Variants in IFNAR1 observed in about 807,000 individuals in gnomAD.
The protein encoded by IFNAR1 is interferon alpha and beta receptor subunit 1, also known as interferon alpha/beta receptor 1.
A neutral mutation model predicts 62.1 loss-of-function variants in IFNAR1; 47 were observed. That is an observed-to-expected ratio of 0.76 (90% CI 0.60 to 0.97). The LOEUF (loss-of-function observed/expected upper bound fraction) is 0.97, where lower values mean the gene tolerates loss of function less well. IFNAR1 is among the 50% of genes least tolerant of loss of function. The probability of loss-of-function intolerance (pLI) is 0.00; values close to 1 mark genes in which losing one functional copy is unlikely to be tolerated. For missense variants in IFNAR1, 638 were observed against 654.5 expected (o/e 0.97, Z 0.27); for synonymous variants, 219 against 226.9 (o/e 0.97, Z 0.31).
intron 8 of IFNAR1, 35 bp downstream of exon 8, chr21:33,349,578 G>T: frequency 7.0e-7 from 1 of 1,426,906 alleles, no homozygotes; most frequent in South Asian, 1.3e-5. Context: ...TTGTAACTTA[G>T]AGTTATAATT....
Position 33,358,334 on chromosome 21 carries a change from T to A in IFNAR1, c.*2785T>A, listed in dbSNP as rs145551344. On this transcript the variant is annotated 3_prime_UTR_variant, in exon 11 of 11. Transcript: ENST00000270139. ...AACAGAAGTTTACTTAGAAATACCA[T>A]GCACTTGGGGGTACCAATTAACCGC... The A allele has an allele frequency of 6.6e-6, 1 of 152,216 alleles. No homozygotes were observed. The allele number at this position is 152,216 out of a possible 1,614,324, so 9.4% of individuals were successfully genotyped here.
chr21:33,342,265 G>A (rs959024792), intron 3 of IFNAR1, among the ~76,000 whole-genome samples: 5 of 151,976 alleles, frequency 3.3e-5, no homozygotes, highest in African/African-American at 7.3e-5. Flanking sequence ...ATAAAAATTA[G>A]CCAGGCATGG....
chr21:33,342,689 A>AG (rs1491095979), intron 3 of IFNAR1, among the ~76,000 whole-genome samples: 1 of 48,252 alleles, frequency 2.1e-5, no homozygotes, highest in Admixed American at 2.4e-4. Context: ...CTAAAAATAC[A>AG]AAAAAAAAAA....
chr21:33,326,943 A>G (rs1346169827), intron 1 of IFNAR1, among the ~76,000 whole-genome samples: 1 of 152,136 alleles, frequency 6.6e-6, no homozygotes, highest in African/African-American at 2.4e-5. Context: ...TGTAGTGAGG[A>G]GGGGTACCCA....
At chr21:33,340,145 T>G (rs2083280761) in intron 2 of IFNAR1, among the ~76,000 whole-genome samples, 1 of 152,012 alleles carries the variant, frequency 6.6e-6, no homozygotes, top group Admixed American at 6.6e-5. Flanking sequence ...AATTTATTTG[T>G]TTATGTAAAC....
At chr21:33,337,496 C>A (rs927388259) in intron 2 of IFNAR1, among the ~76,000 whole-genome samples, 1 of 152,048 alleles carries the variant, frequency 6.6e-6, no homozygotes, top group African/African-American at 2.4e-5. Context: ...TTAGGCCCTC[C>A]GGAACCAGGA....
chr21:33,325,011 C>G lies in IFNAR1; in HGVS notation c.-45C>G, dbSNP rs112371220. 5.2e-6 allele frequency: 8 copies of G among 1,533,822 alleles called. No homozygotes were observed. The African/African-American group carries it at 5.5e-5, about 10-fold the overall frequency. ...GGGCGATGGCGGCTGAGAGGAGCTG[C>G]GCGTGCGCGAACATGTAACTGGTGG... On this transcript the variant is annotated 5_prime_UTR_variant, in exon 1 of 11. Transcript: ENST00000270139.
intron 2 of IFNAR1, among the ~76,000 whole-genome samples, chr21:33,336,895 C>T (rs1479893645): frequency 2.0e-5 from 3 of 151,848 alleles, no homozygotes; most frequent in Non-Finnish European, 4.4e-5. Context: ...GGATTGCAAG[C>T]ACATGCCACC....
intron 10 of IFNAR1, among the ~76,000 whole-genome samples, chr21:33,354,962 G>T (rs1342501215): frequency 6.6e-6 from 1 of 151,856 alleles, no homozygotes; most frequent in Non-Finnish European, 1.5e-5. Flanking sequence ...GGATATATAT[G>T]TGTTGGATAC....
At chr21:33,336,571 C>G (rs1482734478) in intron 2 of IFNAR1, among the ~76,000 whole-genome samples, 1 of 151,920 alleles carries the variant, frequency 6.6e-6, no homozygotes, top group Non-Finnish European at 1.5e-5. Context: ...TTCTCCACAT[C>G]CTCTCCAGCT....
At chr21:33,338,717 A>T (rs1258190922) in intron 2 of IFNAR1, among the ~76,000 whole-genome samples, 1 of 151,362 alleles carries the variant, frequency 6.6e-6, no homozygotes, top group Non-Finnish European at 1.5e-5. Context: ...TGAGCTAATT[A>T]TTGCATATGA....
intron 10 of IFNAR1, 90 bp downstream of exon 10, chr21:33,353,873 A>G: frequency 1.2e-6 from 1 of 844,146 alleles, no homozygotes; most frequent in Non-Finnish European, 1.8e-6. Context: ...GGTTTTCTTG[A>G]TATCCAGAAA....
chr21:33,333,564 A>G (rs2083201229), intron 1 of IFNAR1, among the ~76,000 whole-genome samples: 1 of 151,440 alleles, frequency 6.6e-6, no homozygotes, highest in African/African-American at 2.4e-5. Flanking sequence ...ATCAATAATA[A>G]TCTTAAATGT....
chr21:33,348,395 A>G (rs1324375089), intron 6 of IFNAR1, among the ~76,000 whole-genome samples: 1 of 152,264 alleles, frequency 6.6e-6, no homozygotes, highest in African/African-American at 2.4e-5. Flanking sequence ...ATATAGCTAC[A>G]ATAGATAAAG....
intron 1 of IFNAR1, among the ~76,000 whole-genome samples, chr21:33,332,196 C>T (rs191206794): frequency 6.6e-6 from 1 of 152,282 alleles, no homozygotes; most frequent in Admixed American, 6.5e-5. Context: ...ATCCTAAAAG[C>T]CTTCAACACT....
rs373265711 is a variant in IFNAR1 at position 33,355,740 on chromosome 21, G to A, written c.*191G>A. ...TATTTAAAAATGAAATTACAGGCCC[G>A]GGCACGGTGGCTCACACCTGTAATC... On this transcript the variant is annotated 3_prime_UTR_variant, in exon 11 of 11. Transcript: ENST00000270139. 1.2e-4 allele frequency: 40 copies of A among 328,348 alleles called. No homozygotes were observed. Among genetic ancestry groups the A allele is most frequent in the Non-Finnish European group, 1.8e-4 (32 of 179,408 alleles). The allele number at this position is 328,348 out of a possible 1,614,324, so 20.3% of individuals were successfully genotyped here.
chr21:33,352,044 C>T (rs913927423), intron 8 of IFNAR1, among the ~76,000 whole-genome samples: 6 of 151,924 alleles, frequency 3.9e-5, no homozygotes, highest in Non-Finnish European at 5.9e-5. Context: ...CAATAACTGT[C>T]CCGATTTTAT....
At chr21:33,344,760 T>TTTACTTA (rs1568930665) in intron 5 of IFNAR1, among the ~76,000 whole-genome samples, 2 of 91,820 alleles carry the variant, frequency 2.2e-5, no homozygotes, top group Admixed American at 1.1e-4. Flanking sequence ...ATTCTTTCTT[T>TTTACTTA]TTTACTTATT....
rs548407869 is a variant in IFNAR1 at position 33,335,395 on chromosome 21, G to A, written c.77-129G>A. 7 of 514,554 alleles carry A rather than the reference G, an allele frequency of 1.4e-5. No homozygotes were observed. The South Asian group carries it at 3.5e-4, about 25-fold the overall frequency. 31.9% of individuals were successfully genotyped at this position (514,554 alleles called of 1,614,324 possible). A position where few individuals can be genotyped will look rare whatever the true frequency, so the allele number is the denominator to read the frequency against. On this transcript the variant is annotated intron_variant, in intron 1 of 10. Transcript: ENST00000270139. Reference sequence around the variant, plus strand: ...CTGGGAGCAATCATTAGTTTTTTTAGATTTTTAAAATATACTTCATTATGT... The same window carrying A: ...CTGGGAGCAATCATTAGTTTTTTTAAATTTTTAAAATATACTTCATTATGT...
Sources: gnomAD v4.1 joint callset for allele counts (sites outside exome capture counted in the v4.1 genomes callset) on GRCh38, gnomAD v4.1.1 for gene constraint, MANE v1.5 for transcripts, NCBI Gene and HGNC (gene_info 2026-07-23, HGNC 2026-07-21) for gene names.